DCDC1: variants seen among roughly 807,000 people sequenced by gnomAD.
The protein encoded by DCDC1 is doublecortin domain-containing protein 1.
In DCDC1, 200 loss-of-function variants were observed where a neutral mutation model predicts 178.3. That is an observed-to-expected ratio of 1.12 (90% CI 1.00 to 1.26). The LOEUF (loss-of-function observed/expected upper bound fraction) is 1.26. Ranked by LOEUF, DCDC1 falls within the 50% of genes most tolerant of loss-of-function variation. DCDC1 has a pLI of 0.00. For missense variants in DCDC1, 1,983 were observed against 1,749.2 expected (o/e 1.13, Z -2.38); for synonymous variants, 690 against 604.8 (o/e 1.14, Z -2.07).
At chr11:30,991,733 G>C (rs979345692) in intron 20 of DCDC1, among the ~76,000 whole-genome samples, 1 of 151,978 alleles carries the variant, frequency 6.6e-6, no homozygotes, top group Non-Finnish European at 1.5e-5. Context: ...ACCAAAATAA[G>C]TTTATTTATG....
At chr11:30,912,330 T>C (rs1349935588) in intron 27 of DCDC1, among the ~76,000 whole-genome samples, 3 of 151,986 alleles carry the variant, frequency 2.0e-5, no homozygotes, top group African/African-American at 4.8e-5. Context: ...GTCACCCGGG[T>C]TGGAGTGCAG....
At chr11:31,306,490 A>G (rs1316648371) in intron 4 of DCDC1, 102 bp from the exon 5 acceptor site, 4 of 1,272,468 alleles carry the variant, frequency 3.1e-6, no homozygotes, top group East Asian at 2.7e-5. Context: ...AGCACTAAAG[A>G]TTGTTCCTAT....
chr11:31,106,086 C>T (rs973976333), intron 13 of DCDC1, among the ~76,000 whole-genome samples: 2 of 152,154 alleles, frequency 1.3e-5, no homozygotes, highest in African/African-American at 4.8e-5. Flanking sequence ...CTCATCAGTG[C>T]CTATATACTG....
intron 9 of DCDC1, among the ~76,000 whole-genome samples, chr11:31,192,969 G>A (rs1970292475): frequency 6.6e-6 from 1 of 152,036 alleles, no homozygotes; most frequent in Non-Finnish European, 1.5e-5. Flanking sequence ...CTGGAGCTGG[G>A]ACATCCATCT....
intron 21 of DCDC1, chr11:30,943,719 C>A: frequency 2.3e-6 from 1 of 440,138 alleles, no homozygotes; most frequent in South Asian, 1.7e-5. Flanking sequence ...TGTTGGTTTT[C>A]AATAAGGCTT....
chr11:31,211,446 T>C (rs1282278007), intron 9 of DCDC1, among the ~76,000 whole-genome samples: 1 of 152,208 alleles, frequency 6.6e-6, no homozygotes, highest in East Asian at 1.9e-4. Flanking sequence ...ATTTGCACTA[T>C]CGCCCCATCC....
At chr11:31,188,498 C>G (rs1272435677) in intron 9 of DCDC1, among the ~76,000 whole-genome samples, 1 of 152,160 alleles carries the variant, frequency 6.6e-6, no homozygotes, top group Non-Finnish European at 1.5e-5. Flanking sequence ...AAACAACTTA[C>G]CATAGAATAT....
chr11:30,983,225 G>A (rs994605510), intron 20 of DCDC1, among the ~76,000 whole-genome samples: 1 of 152,140 alleles, frequency 6.6e-6, no homozygotes, highest in African/African-American at 2.4e-5. Context: ...GAATAACAGT[G>A]TATGAAGCAA....
intron 21 of DCDC1, among the ~76,000 whole-genome samples, chr11:30,935,657 G>C (rs572515457): frequency 6.6e-6 from 1 of 151,912 alleles, no homozygotes; most frequent in African/African-American, 2.4e-5. Flanking sequence ...AGGTTCAAGC[G>C]ATTCTCCTGC....
chr11:30,899,759 G>T, intron 33 of DCDC1, 117 bp from the exon 34 acceptor site: 1 of 733,606 alleles, frequency 1.4e-6, no homozygotes. Flanking sequence ...GTAATTAAAA[G>T]GTAAGGGTCA....
intron 8 of DCDC1, among the ~76,000 whole-genome samples, chr11:31,244,273 A>G (rs1039160872): frequency 6.6e-6 from 1 of 151,750 alleles, no homozygotes; most frequent in East Asian, 1.9e-4. Flanking sequence ...ACCTCAACCC[A>G]TAGATTTTAA....
intron 9 of DCDC1, among the ~76,000 whole-genome samples, chr11:31,171,303 A>G (rs980280572): frequency 6.6e-6 from 1 of 151,796 alleles, no homozygotes; most frequent in Non-Finnish European, 1.5e-5. Flanking sequence ...CAACTACTCA[A>G]TTCTGGTGTT....
intron 1 of DCDC1, among the ~76,000 whole-genome samples, chr11:31,358,261 C>T (rs1951502454): frequency 6.6e-6 from 1 of 152,134 alleles, no homozygotes; most frequent in Non-Finnish European, 1.5e-5. Context: ...TGGAACAGAG[C>T]AGAGCCCTCA....
intron 30 of DCDC1, among the ~76,000 whole-genome samples, 158 bp from the exon 31 acceptor site, chr11:30,905,322 G>A (rs1944984414): frequency 6.6e-6 from 1 of 152,192 alleles, no homozygotes; most frequent in South Asian, 2.1e-4. Context: ...GAGCCGGAAG[G>A]ATGTTGGATC....
intron 25 of DCDC1, among the ~76,000 whole-genome samples, chr11:30,917,947 G>A (rs1412208242): frequency 2.0e-5 from 3 of 152,062 alleles, no homozygotes; most frequent in Non-Finnish European, 2.9e-5. Context: ...TGTAATAGAA[G>A]TATTACATGT....
chr11:30,917,760 C>T (rs982950907), intron 25 of DCDC1, among the ~76,000 whole-genome samples: 1 of 152,106 alleles, frequency 6.6e-6, no homozygotes, highest in Admixed American at 6.5e-5. Context: ...AATATACAGG[C>T]AAAGCAGCAA....
At chr11:31,230,020 C>G (rs1411631661) in intron 9 of DCDC1, among the ~76,000 whole-genome samples, 2 of 151,930 alleles carry the variant, frequency 1.3e-5, no homozygotes, top group African/African-American at 2.4e-5. Flanking sequence ...AACAGTTAGA[C>G]AAGAAGAAAT....
chr11:31,368,630 A>G (rs1255273762), intron 1 of DCDC1, among the ~76,000 whole-genome samples: 3 of 152,184 alleles, frequency 2.0e-5, no homozygotes, highest in Non-Finnish European at 4.4e-5. Flanking sequence ...TATTCTTTAT[A>G]GTTCATAACA....
At chr11:31,233,555 G>C (rs1453840867) in intron 9 of DCDC1, among the ~76,000 whole-genome samples, 1 of 152,162 alleles carries the variant, frequency 6.6e-6, no homozygotes, top group Non-Finnish European at 1.5e-5. Context: ...TAGAATTGTA[G>C]TCCCCAAAGA....
Sources: allele counts gnomAD v4.1 joint callset (sites outside exome capture counted in the v4.1 genomes callset), GRCh38; gene constraint gnomAD v4.1.1; transcripts MANE v1.5; gene names NCBI Gene and HGNC (gene_info 2026-07-23, HGNC 2026-07-21).